Variants in KCNQ4 observed in about 807,000 individuals in gnomAD.
KCNQ4 encodes the protein potassium voltage-gated channel subfamily Q member 4.
Under a neutral mutation model 72.6 loss-of-function variants are expected in KCNQ4, and 31 were observed. The observed-to-expected ratio is 0.43, with a 90% CI of 0.32 to 0.58. KCNQ4 has a LOEUF of 0.58. Ranked by LOEUF, KCNQ4 falls within the 20% of genes least tolerant of loss-of-function variation. The pLI is 0.08. For missense variants in KCNQ4, 869 were observed against 962.6 expected, an observed-to-expected ratio of 0.90 and a Z score of 1.29; for synonymous variants, 405 against 403.7, an observed-to-expected ratio of 1.00 and a Z score of -0.04.
rs76177644 is a variant in KCNQ4 at position 40,839,228 on chromosome 1, A to G, written c.*705A>G. The G allele has an allele frequency of 2.8e-3, 424 of 152,884 alleles. 3 individuals carry two copies. Among genetic ancestry groups the G allele is most frequent in the South Asian group, 0.017 (83 of 4,832 alleles). The allele number at this position is 152,884 out of a possible 1,614,324, so 9.5% of individuals were successfully genotyped here. On this transcript the variant is annotated 3_prime_UTR_variant, in exon 14 of 14. Transcript: ENST00000347132. The stretch of plus-strand genomic sequence containing the variant: ...TCTCCCCTGCCCTCTCCTAAGGGCA[A>G]TGCCTGGGCCTTTCTTCCCATTTGC...
intron 10 of KCNQ4, 23 bp downstream of exon 10, chr1:40,831,327 C>A: frequency 6.4e-7 from 1 of 1,560,666 alleles, no homozygotes; most frequent in East Asian, 2.3e-5. Flanking sequence ...GGGGCTGAGT[C>A]CGATCGAGGG....
chr1:40,803,953 C>T (rs1647673808), intron 1 of KCNQ4, among the ~76,000 whole-genome samples: 1 of 152,238 alleles, frequency 6.6e-6, no homozygotes, highest in African/African-American at 2.4e-5. Flanking sequence ...CTCTGCCCTC[C>T]ACGGTGCTCC....
At chr1:40,811,841 C>G (rs1647936209) in intron 1 of KCNQ4, among the ~76,000 whole-genome samples, 1 of 152,234 alleles carries the variant, frequency 6.6e-6, no homozygotes, top group Admixed American at 6.5e-5. Context: ...TCTGGCCTGT[C>G]TGCTGGGGAG....
chr1:40,818,153 T>C lies in KCNQ4; in HGVS notation c.406-11T>C. 1 of 1,613,948 alleles carries C rather than the reference T, an allele frequency of 6.2e-7. No homozygotes were observed. Among genetic ancestry groups the C allele is most frequent in the South Asian group, 1.1e-5 (1 of 91,082 alleles). On this transcript the variant is annotated splice_polypyrimidine_tract_variant and intron_variant, in intron 2 of 13. Coordinates refer to ENST00000347132, the MANE Select transcript of KCNQ4 (RefSeq NM_004700.4). Reference sequence around the variant, plus strand: ...GACTGAGGACCAGAACTCAGGCCCCTGGTCCCACAGGAATTCGTGATGATC... The same window carrying C: ...GACTGAGGACCAGAACTCAGGCCCCCGGTCCCACAGGAATTCGTGATGATC...
In KCNQ4 at chr1:40,838,862, C is replaced by G. The variant is rs369996719; in HGVS notation, c.*339C>G. On this transcript the variant is annotated 3_prime_UTR_variant, in exon 14 of 14. Coordinates refer to ENST00000347132, the MANE Select transcript of KCNQ4 (RefSeq NM_004700.4). ...CGGGAGTGGGAGCGGGCGCTGGGGC[C>G]CTGGGCCCTGACCCAGCTTCCAGCT... 2.4e-6 allele frequency: 1 copy of G among 418,402 alleles called. No homozygotes were observed. Among genetic ancestry groups the G allele is most frequent in the Non-Finnish European group, 4.5e-6 (1 of 223,648 alleles). 25.9% of individuals were successfully genotyped at this position (418,402 alleles called of 1,614,324 possible).
chr1:40,822,858 G>GC (rs1341855498), intron 8 of KCNQ4, among the ~76,000 whole-genome samples: 6 of 152,212 alleles, frequency 3.9e-5, no homozygotes, highest in Non-Finnish European at 7.4e-5. Context: ...AGGAATATGT[G>GC]CCCACTTTTA....
At chr1:40,793,605 A>G (rs1334652490) in intron 1 of KCNQ4, among the ~76,000 whole-genome samples, 1 of 151,760 alleles carries the variant, frequency 6.6e-6, no homozygotes, top group Non-Finnish European at 1.5e-5. Flanking sequence ...TCCTTCCTCA[A>G]TCCATGTGAC....
rs1478102304 is a variant in KCNQ4 at position 40,826,613 on chromosome 1, T to C, written c.1292+2355T>C. The C allele has an allele frequency of 6.6e-6, 3 of 454,488 alleles. No individual in the cohort carries two copies. The Admixed American group carries it at 7.1e-5, about 11-fold the overall frequency. 28.2% of individuals were successfully genotyped at this position (454,488 alleles called of 1,614,324 possible). On this transcript the variant is annotated intron_variant, in intron 9 of 13. Coordinates refer to ENST00000347132, the MANE Select transcript of KCNQ4 (RefSeq NM_004700.4). ...CAGCCCCTTTCCCGCTAACCTCTGT[T>C]CGTGTCTTATTCTCAAACTTCCAGC...
chr1:40,812,223 G>A (rs1016125869), intron 1 of KCNQ4, among the ~76,000 whole-genome samples: 11 of 152,164 alleles, frequency 7.2e-5, no homozygotes, highest in African/African-American at 2.7e-4. Context: ...TCAGCTGGAA[G>A]ATATGGATAA....
chr1:40,788,319 C>G lies in KCNQ4; in HGVS notation c.314+3912C>G, dbSNP rs1327461256. 2.6e-5 allele frequency among the ~76,000 whole-genome samples: 4 copies of G among 152,318 alleles called. No individual in the cohort carries two copies. The East Asian group carries it at 7.7e-4, about 29-fold the overall frequency. Reference sequence around the variant, plus strand: ...TACAGCGGACTCTGTGCAGAGACCTCAGCTGGGCTAGGCCAGGGCAGAGAG... The same window carrying G: ...TACAGCGGACTCTGTGCAGAGACCTGAGCTGGGCTAGGCCAGGGCAGAGAG... On this transcript the variant is annotated intron_variant, in intron 1 of 13. Coordinates refer to ENST00000347132, the MANE Select transcript of KCNQ4 (RefSeq NM_004700.4). This position sits in a 1 kb window ranked among gnomAD's most constrained non-coding sequence, Gnocchi z 4.5.
Position 40,784,445 on chromosome 1 carries a change from C to A in KCNQ4, c.314+38C>A. Reference sequence around the variant, plus strand: ...CCCCGCGCCCTTCCGCGTTTCCCCGCGCAAGCCTGGCCTCCCGGGGCACGG... The same window carrying A: ...CCCCGCGCCCTTCCGCGTTTCCCCGAGCAAGCCTGGCCTCCCGGGGCACGG... On this transcript the variant is annotated intron_variant, in intron 1 of 13. Coordinates refer to ENST00000347132, the MANE Select transcript of KCNQ4 (RefSeq NM_004700.4). This position sits in a 1 kb window ranked among gnomAD's most constrained non-coding sequence, Gnocchi z 4.1. 6.3e-7 allele frequency: 1 copy of A among 1,593,988 alleles called. No homozygotes were observed. Among genetic ancestry groups the A allele is most frequent in the South Asian group, 1.1e-5 (1 of 90,916 alleles).
rs1167593525 is a variant in KCNQ4, at chr1:40,822,323, C to A, written c.1051C>A (p.Arg351Ser). 2 of 1,612,934 alleles carry A rather than the reference C, an allele frequency of 1.2e-6. No homozygotes were observed. The highest frequency in any genetic ancestry group is 1.7e-5 in the Admixed American group (1 of 59,964). The change falls in exon 8 of 14, where the codon CGC becomes AGC. Residue 351 changes from arginine (R) to serine (S), a missense_variant. By Grantham distance (110) the Arg-to-Ser change is moderately radical (BLOSUM62 -1). Around this residue, in one of 5 missense-constraint regions of KCNQ4, gnomAD observed 480 missense variants for 501.9 expected, o/e 0.96. Transcript: ENST00000347132. ...PAANLIQAAW[R>S]LYSTDMSRAY... ...TCCCCCATACCACCAGGCTGCCTGGCGCCTGTACTCCACCGATATGAGCCG... is the reference window on the plus strand; with the variant it reads ...TCCCCCATACCACCAGGCTGCCTGGAGCCTGTACTCCACCGATATGAGCCG...
intron 1 of KCNQ4, among the ~76,000 whole-genome samples, chr1:40,785,340 G>C (rs1309089126): frequency 6.6e-6 from 1 of 152,214 alleles, no homozygotes; most frequent in South Asian, 2.1e-4. Context: ...CAGTTGAAGG[G>C]CTGGGCCTGA....
intron 1 of KCNQ4, among the ~76,000 whole-genome samples, chr1:40,789,773 C>G (rs1455759114): frequency 6.6e-6 from 1 of 152,194 alleles, no homozygotes; most frequent in Non-Finnish European, 1.5e-5. Flanking sequence ...GGTTATTATT[C>G]TTGGGCTGAT....
At chr1:40,819,072 A>C (rs2148318975) in intron 4 of KCNQ4, 1 of 494,350 alleles carries the variant, frequency 2.0e-6, no homozygotes, top group Non-Finnish European at 3.8e-6. Context: ...GGGACGGGGC[A>C]AGGTAGGCCG....
At chr1:40,822,473 C>T in intron 8 of KCNQ4, 71 bp downstream of exon 8, 1 of 1,291,640 alleles carries the variant, frequency 7.7e-7, no homozygotes, top group Non-Finnish European at 1.1e-6. Flanking sequence ...GTGGCTGAGA[C>T]TCAACCCTGG....
intron 9 of KCNQ4, 49 bp from the exon 10 acceptor site, chr1:40,831,035 C>T: frequency 1.3e-6 from 2 of 1,512,928 alleles, no homozygotes; most frequent in East Asian, 2.5e-5. Flanking sequence ...TCACCCCCAC[C>T]CCCAGCTCTG....
At chr1:40,816,375 G>A (rs1159208402) in intron 1 of KCNQ4, among the ~76,000 whole-genome samples, 5 of 152,094 alleles carry the variant, frequency 3.3e-5, no homozygotes, top group Admixed American at 6.5e-5. Context: ...ATACCGCAAG[G>A]CCACCAGTTT....
chr1:40,803,758 C>T (rs1020104660), intron 1 of KCNQ4, among the ~76,000 whole-genome samples: 3 of 152,224 alleles, frequency 2.0e-5, no homozygotes, highest in African/African-American at 7.2e-5. Flanking sequence ...CTCAGGGCAG[C>T]TGTAACCAGA....
Sources: gnomAD v4.1 joint callset for allele counts (sites outside exome capture counted in the v4.1 genomes callset) on GRCh38, gnomAD v4.1.1 for gene constraint, gnomAD v4.1.1 regional missense constraint, Gnocchi (gnomAD v3.1) non-coding constraint, MANE v1.5 for transcripts, NCBI Gene and HGNC (gene_info 2026-07-23, HGNC 2026-07-21) for gene names.